Variants in EPHB1 observed in about 807,000 individuals in gnomAD.
EPHB1 encodes ephrin type-B receptor 1.
Under a neutral mutation model 94.4 loss-of-function variants are expected in EPHB1, and 30 were observed. That is an observed-to-expected ratio of 0.32 (90% confidence interval 0.24 to 0.43). The LOEUF (loss-of-function observed/expected upper bound fraction) is 0.43. Ranked by LOEUF, EPHB1 falls within the 20% of genes least tolerant of loss-of-function variation. EPHB1 has a pLI of 1.00. For synonymous variants in EPHB1, 522 were observed against 489.1 expected, an observed-to-expected ratio of 1.07 and a Z score of -0.89; for missense variants, 1,055 against 1,308.3, an observed-to-expected ratio of 0.81 and a Z score of 2.99.
At chr3:134,833,386 C>A (rs1024183955) in intron 1 of EPHB1, among the ~76,000 whole-genome samples, 1 of 152,182 alleles carries the variant, frequency 6.6e-6, no homozygotes, top group African/African-American at 2.4e-5. Context: ...GCTGTGTCCC[C>A]AACAGGCCAG....
At chr3:135,247,160 C>CAA (rs1347703639) in intron 13 of EPHB1, among the ~76,000 whole-genome samples, 8 of 152,088 alleles carry the variant, frequency 5.3e-5, no homozygotes, top group African/African-American at 1.9e-4. Flanking sequence ...TTCAAACAAG[C>CAA]AAAGAGAAAC....
intron 1 of EPHB1, among the ~76,000 whole-genome samples, chr3:134,844,448 T>C (rs1027353706): frequency 8.5e-5 from 13 of 152,204 alleles, no homozygotes; most frequent in Admixed American, 7.9e-4. Context: ...TAATTGGGTA[T>C]GTGCACATCC....
intron 3 of EPHB1, among the ~76,000 whole-genome samples, chr3:134,985,976 A>G (rs1934581111): frequency 6.6e-6 from 1 of 152,166 alleles, no homozygotes; most frequent in Admixed American, 6.5e-5. Context: ...GCAGAATTCC[A>G]GCCAAGCAGA....
intron 1 of EPHB1, among the ~76,000 whole-genome samples, chr3:134,796,910 T>A (rs1198748357): frequency 6.6e-6 from 1 of 152,234 alleles, no homozygotes; most frequent in Non-Finnish European, 1.5e-5. Flanking sequence ...CTCGCGAAAC[T>A]GTGACCGGTT....
intron 3 of EPHB1, among the ~76,000 whole-genome samples, chr3:135,010,589 GT>G (rs1412372380): frequency 9.2e-5 from 11 of 119,346 alleles, no homozygotes; most frequent in African/African-American, 3.2e-4. Flanking sequence ...TTTACGCAGA[GT>G]TTCACTCTTG....
chr3:134,888,646 T>C (rs1384935209), intron 1 of EPHB1, among the ~76,000 whole-genome samples: 1 of 147,576 alleles, frequency 6.8e-6, no homozygotes, highest in East Asian at 2.0e-4. Flanking sequence ...AGTTGGAGAT[T>C]GCAGTGAGCC....
intron 3 of EPHB1, among the ~76,000 whole-genome samples, chr3:134,957,645 G>A (rs1933332767): frequency 6.6e-6 from 1 of 152,204 alleles, no homozygotes; most frequent in Non-Finnish European, 1.5e-5. Flanking sequence ...GGCAGAAGCT[G>A]AAGACTGACT....
intron 1 of EPHB1, among the ~76,000 whole-genome samples, chr3:134,832,012 G>T (rs1171096693): frequency 6.6e-6 from 1 of 152,230 alleles, no homozygotes; most frequent in Non-Finnish European, 1.5e-5. Context: ...GGGTGGGGTT[G>T]CTGGATAAAA....
intron 3 of EPHB1, among the ~76,000 whole-genome samples, chr3:134,970,862 T>G (rs1933946588): frequency 6.6e-6 from 1 of 152,234 alleles, no homozygotes; most frequent in Non-Finnish European, 1.5e-5. Flanking sequence ...CCATATTGAA[T>G]GAGGCTAATA....
At chr3:135,134,086 C>T (rs1483549964) in intron 5 of EPHB1, among the ~76,000 whole-genome samples, 2 of 152,348 alleles carry the variant, frequency 1.3e-5, no homozygotes, top group South Asian at 4.1e-4. Flanking sequence ...AGCAATCTCT[C>T]TCCCGGGGTT....
At chr3:135,128,913 G>A (rs1034383184) in intron 4 of EPHB1, among the ~76,000 whole-genome samples, 2 of 152,140 alleles carry the variant, frequency 1.3e-5, no homozygotes, top group Non-Finnish European at 2.9e-5. Context: ...ACACACCCCT[G>A]CCCTCAAGGA....
chr3:134,809,815 G>C (rs924267517), intron 1 of EPHB1, among the ~76,000 whole-genome samples: 2 of 152,240 alleles, frequency 1.3e-5, no homozygotes, highest in African/African-American at 4.8e-5. Context: ...GTTCCTGAAA[G>C]CTGCCCTCTG....
intron 3 of EPHB1, among the ~76,000 whole-genome samples, chr3:135,101,644 A>G (rs1050727146): frequency 3.3e-5 from 5 of 152,132 alleles, no homozygotes; most frequent in African/African-American, 1.2e-4. Flanking sequence ...GGCCTCCCAA[A>G]GTGTTGGGAT....
At chr3:134,804,660 T>G (rs1276622179) in intron 1 of EPHB1, among the ~76,000 whole-genome samples, 1 of 152,226 alleles carries the variant, frequency 6.6e-6, no homozygotes, top group Non-Finnish European at 1.5e-5. Context: ...TTTGGGCACT[T>G]CTACAACTTC....
chr3:135,183,891 G>A (rs1404207912), intron 10 of EPHB1, among the ~76,000 whole-genome samples: 3 of 152,208 alleles, frequency 2.0e-5, no homozygotes, highest in Non-Finnish European at 4.4e-5. Flanking sequence ...AGGTTTCATA[G>A]CAGGGTGGGT....
chr3:134,920,414 T>A (rs1345770643), intron 1 of EPHB1, among the ~76,000 whole-genome samples: 1 of 152,136 alleles, frequency 6.6e-6, no homozygotes, highest in Non-Finnish European at 1.5e-5. Context: ...AAGAGTTCTG[T>A]GGGCTGTGGA....
rs147389400 is a variant in EPHB1 at position 134,905,848 on chromosome 3, C to T, written c.59-19968C>T. Among the ~76,000 whole-genome samples the T allele has an allele frequency of 7.1e-4, 108 of 152,260 alleles. 1 individual carries two copies. Among genetic ancestry groups the T allele is most frequent in the African/African-American group, 2.5e-3 (102 of 41,552 alleles). On this transcript the variant is annotated intron_variant, in intron 1 of 15. Transcript: ENST00000398015. ...TTCCCAGGCAGTCCTTGGACTGTTT[C>T]GATTGAGCATCTTGCTGTTGGCTTC...
chr3:134,877,032 C>G (rs146357858), intron 1 of EPHB1, among the ~76,000 whole-genome samples: 8 of 152,170 alleles, frequency 5.3e-5, no homozygotes. Context: ...GGCCTTGGTA[C>G]CTGTAAGCCC....
chr3:135,029,216 C>T (rs1264522520), intron 3 of EPHB1, among the ~76,000 whole-genome samples: 5 of 123,426 alleles, frequency 4.1e-5, no homozygotes, highest in African/African-American at 1.4e-4. Context: ...GCATTTAGTC[C>T]ATTTACATTT....
Sources: allele counts gnomAD v4.1 joint callset (sites outside exome capture counted in the v4.1 genomes callset), GRCh38; gene constraint gnomAD v4.1.1; transcripts MANE v1.5; gene names NCBI Gene and HGNC (gene_info 2026-07-23, HGNC 2026-07-21).